Variants in B3GAT1 observed in about 807,000 individuals in gnomAD.
B3GAT1 encodes beta-1,3-glucuronyltransferase 1.
In B3GAT1, 11 loss-of-function variants were observed where a neutral mutation model predicts 28.4. That is an observed-to-expected ratio of 0.39 (90% CI 0.24 to 0.64). B3GAT1 has a LOEUF of 0.64. B3GAT1 is among the 30% of genes least tolerant of loss of function. The pLI is 0.50. For synonymous variants in B3GAT1, 255 were observed against 223.1 expected, an observed-to-expected ratio of 1.14 and a Z score of -1.27; for missense variants, 375 against 491.0, an observed-to-expected ratio of 0.76 and a Z score of 2.23.
Position 134,382,739 on chromosome 11 carries a change from G to A in B3GAT1, c.889C>T (p.Leu297=), listed in dbSNP as rs758041241. Residue 297 remains leucine (L), a synonymous_variant, in exon 4 of 6, where the codon CTG becomes TTG. Transcript: ENST00000312527. The part of the protein sequence containing the change: ...LLRELVTLND[L]EPKAANCTKI... Reference sequence around the variant, plus strand: ...GTGCAGTTGGCTGCCTTGGGCTCCAGGTCGTTGAGGGTGACAAGTTCTCGA... The same window carrying A: ...GTGCAGTTGGCTGCCTTGGGCTCCAAGTCGTTGAGGGTGACAAGTTCTCGA... 6.2e-7 allele frequency: 1 copy of A among 1,613,964 alleles called. No individual in the cohort carries two copies. Among genetic ancestry groups the A allele is most frequent in the South Asian group, 1.1e-5 (1 of 91,078 alleles).
intron 5 of B3GAT1, among the ~76,000 whole-genome samples, chr11:134,381,231 C>T (rs1330700440): frequency 6.6e-6 from 1 of 152,228 alleles, no homozygotes; most frequent in African/African-American, 2.4e-5. Context: ...TTTAGCTTCT[C>T]TCAACATCAT....
At chr11:134,401,752 A>T (rs115520674) in intron 1 of B3GAT1, among the ~76,000 whole-genome samples, 3,369 of 152,136 alleles carry the variant, frequency 0.022, 61 homozygotes, top group African/African-American at 0.053. Flanking sequence ...TAAAAAATTT[A>T]AAAAAAAGTA....
At position 134,402,195 on chromosome 11, in the gene B3GAT1, G is replaced by C. The variant is rs559358511; in HGVS notation, c.-282+9612C>G. 2.6e-5 allele frequency among the ~76,000 whole-genome samples: 4 copies of C among 152,296 alleles called. No individual in the cohort carries two copies. In the South Asian group the frequency reaches 8.3e-4, roughly 32 times the overall value. On this transcript the variant is annotated intron_variant, in intron 1 of 5. Transcript: ENST00000312527. ...CTGCTTCTTCAGGTGGGGAGACTGA[G>C]GTTTGGAACTGACACACTGAGCTAG...
rs774718851 is a variant in B3GAT1, at chr11:134,383,673, C to A, written c.621+7G>T. 53 of 1,557,694 alleles carry A rather than the reference C, an allele frequency of 3.4e-5. No homozygotes were observed. Among genetic ancestry groups the A allele is most frequent in the Non-Finnish European group, 4.5e-5 (52 of 1,147,454 alleles). On this transcript the variant is annotated splice_region_variant and intron_variant, in intron 3 of 5. Coordinates refer to ENST00000312527, the MANE Select transcript of B3GAT1 (RefSeq NM_054025.3). ...GTCCCGCTGCTCACTGTCGGGCCCT[C>A]CCTCACCTCTTCGAAGAGCTCCAGG...
Position 134,380,628 on chromosome 11 carries a change from C to T in B3GAT1, c.*134G>A, listed in dbSNP as rs1038025710. On this transcript the variant is annotated 3_prime_UTR_variant, in exon 6 of 6. Transcript: ENST00000312527. ...TTGTTCTGGCATCAGGCTGGGCTCT[C>T]TCAGAAGCCCCCAGAATAGAAAGGA... 6.5e-6 allele frequency: 1 copy of T among 152,738 alleles called. No individual in the cohort carries two copies. The highest frequency in any genetic ancestry group is 6.5e-5 in the Admixed American group (1 of 15,286). The allele number at this position is 152,738 out of a possible 1,614,324, so 9.5% of individuals were successfully genotyped here. A position where few individuals can be genotyped will look rare whatever the true frequency, so the allele number is the denominator to read the frequency against.
chr11:134,398,501 C>T (rs574793642), intron 1 of B3GAT1, among the ~76,000 whole-genome samples: 2 of 152,318 alleles, frequency 1.3e-5, no homozygotes, highest in Admixed American at 1.3e-4. Context: ...AAGGACTGCA[C>T]GTTGGTTATC....
intron 1 of B3GAT1, chr11:134,388,831 CA>C (rs1944350930): frequency 6.6e-6 from 1 of 152,198 alleles, no homozygotes; most frequent in Non-Finnish European, 1.5e-5. Flanking sequence ...GTATATGCAC[CA>C]TGTTTTCTTT....
chr11:134,383,643 C>T (rs753880896), intron 3 of B3GAT1, 37 bp downstream of exon 3: 4 of 1,497,680 alleles, frequency 2.7e-6, no homozygotes, highest in East Asian at 4.8e-5. Context: ...TCCCCGCAGC[C>T]GGAGGTCCCG....
chr11:134,383,709 TGTCGTC>T lies in B3GAT1; in HGVS notation c.586_591del (p.Asp196_Asp197del). 1 of 1,589,026 alleles carries T rather than the reference TGTCGTC, an allele frequency of 6.3e-7. No individual in the cohort carries two copies. The highest frequency in any genetic ancestry group is 1.1e-5 in the South Asian group (1 of 88,648). On this transcript the variant is annotated inframe_deletion, in exon 3 of 6. Coordinates refer to ENST00000312527, the MANE Select transcript of B3GAT1 (RefSeq NM_054025.3). ...TCGAAGAGCTCCAGGCTGTAGGTGT[TGTCGTC>T]GTCGGCGAAGTAGACCACGCCAGGC... is the stretch of plus-strand genomic sequence containing the variant.
chr11:134,403,551 G>A (rs1944663056), intron 1 of B3GAT1, among the ~76,000 whole-genome samples: 1 of 152,168 alleles, frequency 6.6e-6, no homozygotes, highest in Non-Finnish European at 1.5e-5. Context: ...CCATGACACT[G>A]TGACATAGCT....
Position 134,411,370 on chromosome 11 carries a change from T to C in B3GAT1, c.-282+437A>G, listed in dbSNP as rs1406867906. ...CCCCTCAAGAGAGTTAACTTGGCAG[T>C]GCCCAGGAGCCAGAGAGCGATCCAG... is the stretch of plus-strand genomic sequence containing the variant. On this transcript the variant is annotated intron_variant, in intron 1 of 5. Transcript: ENST00000312527. The surrounding 1 kb of genome is among the most constrained non-coding windows in gnomAD (Gnocchi z 6.0). 6.6e-6 allele frequency among the ~76,000 whole-genome samples: 1 copy of C among 151,954 alleles called. No homozygotes were observed. The highest frequency in any genetic ancestry group is 1.9e-4 in the East Asian group (1 of 5,154).
At position 134,383,010 on chromosome 11, in the gene B3GAT1, CA is replaced by C. The variant is rs766662276; in HGVS notation, c.622-5del. The C allele has an allele frequency of 2.3e-5, 35 of 1,546,010 alleles. No individual in the cohort carries two copies. The highest frequency in any genetic ancestry group is 1.9e-4 in the Middle Eastern group (1 of 5,178). On this transcript the variant is annotated splice_polypyrimidine_tract_variant and splice_region_variant and intron_variant, in intron 3 of 5. Transcript: ENST00000312527. ...ACACCCTCCTGGTGCTGCGCATCTA[CA>C]AGGGGGGGGTCCAGAGTCAGGGCGC...
At chr11:134,405,378 T>C (rs959072624) in intron 1 of B3GAT1, among the ~76,000 whole-genome samples, 24 of 152,184 alleles carry the variant, frequency 1.6e-4, no homozygotes, top group African/African-American at 5.8e-4. Context: ...GGTCCACTGA[T>C]GGTCACCCGC....
chr11:134,388,223 C>T, intron 1 of B3GAT1: 1 of 282,796 alleles, frequency 3.5e-6, no homozygotes, highest in Non-Finnish European at 7.2e-6. Flanking sequence ...AACTGTGCCA[C>T]CCACAGGCTG....
chr11:134,394,597 C>A (rs78212286), intron 1 of B3GAT1, among the ~76,000 whole-genome samples: 6,026 of 152,308 alleles, frequency 0.04, 229 homozygotes, highest in African/African-American at 0.088. Context: ...GCTCTCCCCC[C>A]ACCCTGCCCT....
At chr11:134,399,878 G>C (rs75190711) in intron 1 of B3GAT1, among the ~76,000 whole-genome samples, 19,503 of 152,208 alleles carry the variant, frequency 0.13, 1,346 homozygotes, top group Non-Finnish European at 0.14. Flanking sequence ...AGCCAGGTGA[G>C]CAGGTGGGTC....
In B3GAT1 at chr11:134,407,972, AT is replaced by A. The variant is rs145508957; in HGVS notation, c.-282+3834del. ...ACAGATCTGGAATTTTGGTGTCAAG[AT>A]TTTTTTTTTTAGACGACCATTTGCT... On this transcript the variant is annotated intron_variant, in intron 1 of 5. Coordinates refer to ENST00000312527, the MANE Select transcript of B3GAT1 (RefSeq NM_054025.3). Among the ~76,000 whole-genome samples the A allele has an allele frequency of 3.7e-3, 556 of 149,152 alleles. 1 individual carries two copies. The highest frequency in any genetic ancestry group is 6.0e-3 in the African/African-American group (247 of 40,964).
chr11:134,384,338 C>G, intron 2 of B3GAT1, 150 bp from the exon 3 acceptor site: 2 of 1,071,302 alleles, frequency 1.9e-6, no homozygotes, highest in Non-Finnish European at 2.6e-6. Context: ...CCTGTTAGCT[C>G]TAAGGTTGAA....
Position 134,410,364 on chromosome 11 carries a change from A to G in B3GAT1, c.-282+1443T>C, listed in dbSNP as rs552539668. Among the ~76,000 whole-genome samples the G allele has an allele frequency of 2.6e-5, 4 of 152,352 alleles. No individual in the cohort carries two copies. In the South Asian group the frequency reaches 6.2e-4, roughly 24 times the overall value. Reference sequence around the variant, plus strand: ...ACAGGAACAGCGAGCTCCTGGCTCCAGTGCTGAATGGGGCACAGATGCATT... The same window carrying G: ...ACAGGAACAGCGAGCTCCTGGCTCCGGTGCTGAATGGGGCACAGATGCATT... On this transcript the variant is annotated intron_variant, in intron 1 of 5. Coordinates refer to ENST00000312527, the MANE Select transcript of B3GAT1 (RefSeq NM_054025.3).
Sources: gnomAD v4.1 joint callset for allele counts (sites outside exome capture counted in the v4.1 genomes callset) on GRCh38, gnomAD v4.1.1 for gene constraint, Gnocchi (gnomAD v3.1) non-coding constraint, MANE v1.5 for transcripts, NCBI Gene and HGNC (gene_info 2026-07-23, HGNC 2026-07-21) for gene names.